Variants in BHLHE40 observed in about 807,000 individuals in gnomAD.
BHLHE40 encodes basic helix-loop-helix family member e40, also known as class E basic helix-loop-helix protein 40.
BHLHE40 carries 3 observed loss-of-function variants against 35.7 expected under a neutral mutation model. That is an observed-to-expected ratio of 0.08 (90% CI 0.04 to 0.22). The LOEUF is 0.22. BHLHE40 is among the 10% of genes least tolerant of loss of function. The pLI is 1.00. For missense variants in BHLHE40, 486 were observed against 524.0 expected, an observed-to-expected ratio of 0.93 and a Z score of 0.71; for synonymous variants, 236 against 213.0, an observed-to-expected ratio of 1.11 and a Z score of -0.94.
rs751015596 is a variant in BHLHE40 at position 4,980,271 on chromosome 3, G to C, written c.151-30G>C. On this transcript the variant is annotated intron_variant, in intron 2 of 4. Transcript: ENST00000256495. The stretch of plus-strand genomic sequence containing the variant: ...ATAGGCTTCTCATCTCCTTCCCCAA[G>C]CGCCCACCGCCTCCCCGTGCGTCTT... The C allele has an allele frequency of 3.8e-6, 6 of 1,593,184 alleles. No individual in the cohort carries two copies. In the African/African-American group the frequency reaches 8.1e-5, roughly 21 times the overall value.
At position 4,979,602 on chromosome 3, in the gene BHLHE40, G is replaced by C. The variant is rs2053170480; in HGVS notation, c.-117G>C. ...CCAGCAGCCCAGGGGATTTCAAAGAGCTCAGACTCAGAGGAACATCTGCGG... is the reference window on the plus strand; with the variant it reads ...CCAGCAGCCCAGGGGATTTCAAAGACCTCAGACTCAGAGGAACATCTGCGG... On this transcript the variant is annotated 5_prime_UTR_variant, in exon 1 of 5. Transcript: ENST00000256495. 9.3e-7 allele frequency: 1 copy of C among 1,079,112 alleles called. No homozygotes were observed. The highest frequency in any genetic ancestry group is 1.6e-5 in the African/African-American group (1 of 63,370). 66.8% of individuals were successfully genotyped at this position (1,079,112 alleles called of 1,614,324 possible).
chr3:4,983,220 G>A lies in BHLHE40; in HGVS notation c.767G>A (p.Ser256Asn). ...GGESEKGDLR[S>N]EQPCFKSDHG... ...GAATCGGAGAAGGGCGACTTGCGCAGTGAGCAGCCGTGCTTCAAAAGTGAC... is the reference window on the plus strand; with the variant it reads ...GAATCGGAGAAGGGCGACTTGCGCAATGAGCAGCCGTGCTTCAAAAGTGAC... Residue 256 changes from serine (S) to asparagine (N), a missense_variant, in exon 5 of 5, where the codon AGT becomes AAT. Transcript: ENST00000256495. The surrounding 1 kb of genome is among the most constrained non-coding windows in gnomAD (Gnocchi z 5.0). 1 of 1,614,234 alleles carries A rather than the reference G, an allele frequency of 6.2e-7. No homozygotes were observed.
chr3:4,980,166 A>G (rs2053179142), intron 2 of BHLHE40, 135 bp downstream of exon 2: 4 of 1,140,968 alleles, frequency 3.5e-6, no homozygotes, highest in African/African-American at 1.5e-5. Context: ...GTGACTTGGA[A>G]AAGAAAGGGC....
rs1284393752 is a variant in BHLHE40 at position 4,983,893 on chromosome 3, T to C, written c.*201T>C. On this transcript the variant is annotated 3_prime_UTR_variant, in exon 5 of 5. Coordinates refer to ENST00000256495, the MANE Select transcript of BHLHE40 (RefSeq NM_003670.3). The surrounding 1 kb of genome is among the most constrained non-coding windows in gnomAD (Gnocchi z 5.0). ...GTGCACATGTGTGCCTGCGTGTTGG[T>C]ATAGGACTTTAAAGCTCCTTTTGGC... 1 of 697,734 alleles carries C rather than the reference T, an allele frequency of 1.4e-6. No homozygotes were observed. 43.2% of individuals were successfully genotyped at this position (697,734 alleles called of 1,614,324 possible).
At position 4,982,818 on chromosome 3, in the gene BHLHE40, G is replaced by A. The variant is rs1431264978; in HGVS notation, c.383-18G>A. 1.2e-6 allele frequency: 2 copies of A among 1,613,462 alleles called. No individual in the cohort carries two copies. The highest frequency in any genetic ancestry group is 2.2e-5 in the East Asian group (1 of 44,882). ...CAGGCCTTCTGAAACGTTTTCCTTC[G>A]GATTTTTCTTTCCCCAGGTGAGCTG... On this transcript the variant is annotated intron_variant, in intron 4 of 4. Transcript: ENST00000256495.
At chr3:4,981,185 TACACACAC>T (rs10549138) in intron 3 of BHLHE40, among the ~76,000 whole-genome samples, 199 bp from the exon 4 acceptor site, 30,585 of 143,746 alleles carry the variant, frequency 0.21, 3,367 homozygotes, top group Admixed American at 0.25. Context: ...TATATATATA[TACACACAC>T]ACACACACAC....
intron 2 of BHLHE40, 61 bp downstream of exon 2, chr3:4,980,092 GAA>G (rs1281007698): frequency 6.3e-7 from 1 of 1,580,552 alleles, no homozygotes; most frequent in African/African-American, 1.3e-5. Flanking sequence ...GAGTTTCCAA[GAA>G]AAGTTTTCTC....
chr3:4,981,719 A>G (rs2053199347), intron 4 of BHLHE40: 1 of 563,012 alleles, frequency 1.8e-6, no homozygotes, highest in Non-Finnish European at 3.0e-6. Flanking sequence ...CGTATTAGTG[A>G]AATGATAAGA....
chr3:4,982,858 C>T lies in BHLHE40; in HGVS notation c.405C>T (p.Val135=), dbSNP rs1213118749. Reference sequence around the variant, plus strand: ...CAGGTGAGCTGTCAGGGAGAAATGTCGAAACAGGTCAAGAGATGTTCTGCT... The same window carrying T: ...CAGGTGAGCTGTCAGGGAGAAATGTTGAAACAGGTCAAGAGATGTTCTGCT... ...LQAGELSGRN[V]ETGQEMFCSG... The change falls in exon 5 of 5, where the codon GTC becomes GTT. Residue 135 remains valine, a synonymous_variant. Coordinates refer to ENST00000256495, the MANE Select transcript of BHLHE40 (RefSeq NM_003670.3). 53 of 1,613,864 alleles carry T rather than the reference C, an allele frequency of 3.3e-5. No homozygotes were observed. Among genetic ancestry groups the T allele is most frequent in the Non-Finnish European group, 4.2e-5 (50 of 1,180,022 alleles).
In BHLHE40 at chr3:4,985,303, G is replaced by A. The variant is rs2106499562; in HGVS notation, c.*1611G>A. The A allele has an allele frequency of 6.6e-6, 1 of 152,324 alleles. No homozygotes were observed. The highest frequency in any genetic ancestry group is 1.9e-4 in the East Asian group (1 of 5,190). The allele number at this position is 152,324 out of a possible 1,614,324, so 9.4% of individuals were successfully genotyped here. A position where few individuals can be genotyped will look rare whatever the true frequency, so the allele number is the denominator to read the frequency against. On this transcript the variant is annotated 3_prime_UTR_variant, in exon 5 of 5. Coordinates refer to ENST00000256495, the MANE Select transcript of BHLHE40 (RefSeq NM_003670.3). Reference sequence around the variant, plus strand: ...TGTAATTTCATTCAGCTTTTCATGTGCTTTGTATTCAATCAGAATAAGCTT... The same window carrying A: ...TGTAATTTCATTCAGCTTTTCATGTACTTTGTATTCAATCAGAATAAGCTT...
chr3:4,981,696 C>T (rs1435645114), intron 4 of BHLHE40, 181 bp downstream of exon 4: 16 of 741,778 alleles, frequency 2.2e-5, no homozygotes, highest in Non-Finnish European at 1.3e-5. Flanking sequence ...CATTGTGCCA[C>T]CTGGCATGAA....
intron 3 of BHLHE40, among the ~76,000 whole-genome samples, chr3:4,980,839 C>T (rs1278490770): frequency 1.3e-5 from 2 of 151,732 alleles, no homozygotes; most frequent in African/African-American, 2.4e-5. Context: ...TGACAGTAGC[C>T]CTCGGCTACT....
At chr3:4,982,751 T>A in intron 4 of BHLHE40, 85 bp from the exon 5 acceptor site, 1 of 1,521,890 alleles carries the variant, frequency 6.6e-7, no homozygotes. Context: ...TAACAAAAAC[T>A]AAAGCACCTG....
chr3:4,983,635 T>C lies in BHLHE40; in HGVS notation c.1182T>C (p.Ser394=). Residue 394 remains serine (S), a synonymous_variant, in exon 5 of 5, where the codon TCT becomes TCC. Coordinates refer to ENST00000256495, the MANE Select transcript of BHLHE40 (RefSeq NM_003670.3). This position sits in a 1 kb window ranked among gnomAD's most constrained non-coding sequence, Gnocchi z 5.0. ...CAGCTCATCCGTCCGTCGACTCTTC[T>C]GTCTTGCTCCAAGCTCTGAAGCCAA... The part of the protein sequence containing the change: ...PLPAHPSVDS[S]VLLQALKPIP... 6.2e-7 allele frequency: 1 copy of C among 1,614,154 alleles called. No individual in the cohort carries two copies. Among genetic ancestry groups the C allele is most frequent in the Non-Finnish European group, 8.5e-7 (1 of 1,180,026 alleles).
At chr3:4,981,615 T>C in intron 4 of BHLHE40, 100 bp downstream of exon 4, 4 of 1,445,832 alleles carry the variant, frequency 2.8e-6, no homozygotes, top group Admixed American at 4.5e-5. Context: ...TGCAACAAAT[T>C]GCTTATGCAC....
Position 4,983,826 on chromosome 3 carries a change from C to G in BHLHE40, c.*134C>G. 3 of 798,510 alleles carry G rather than the reference C, an allele frequency of 3.8e-6. No individual in the cohort carries two copies. The highest frequency in any genetic ancestry group is 1.8e-5 in the South Asian group (1 of 56,230). 49.5% of individuals were successfully genotyped at this position (798,510 alleles called of 1,614,324 possible). On this transcript the variant is annotated 3_prime_UTR_variant, in exon 5 of 5. Coordinates refer to ENST00000256495, the MANE Select transcript of BHLHE40 (RefSeq NM_003670.3). The surrounding 1 kb of genome is among the most constrained non-coding windows in gnomAD (Gnocchi z 5.0). ...TAATCTGAGGCATGGAGAGCAGATT[C>G]AGGGTGTGTGTGTGTGTGTGTGTGT...
chr3:4,983,504 C>T lies in BHLHE40; in HGVS notation c.1051C>T (p.Leu351=). 1.9e-6 allele frequency: 3 copies of T among 1,614,174 alleles called. No individual in the cohort carries two copies. The highest frequency in any genetic ancestry group is 2.5e-6 in the Non-Finnish European group (3 of 1,180,036). ...KCWYPTSVPV[L]YPGLNASAAA... is the part of the protein sequence containing the mutation. ...CTGGTATCCCACCTCAGTGCCAGTG[C>T]TATACCCAGGCCTCAACGCCTCTGC... The change falls in exon 5 of 5, where the codon CTA becomes TTA. Residue 351 remains leucine, a synonymous_variant. Transcript: ENST00000256495. The surrounding 1 kb of genome is among the most constrained non-coding windows in gnomAD (Gnocchi z 5.0).
rs1411567009 is a variant in BHLHE40 at position 4,979,530 on chromosome 3, G to C, written c.-189G>C. On this transcript the variant is annotated 5_prime_UTR_variant, in exon 1 of 5. Coordinates refer to ENST00000256495, the MANE Select transcript of BHLHE40 (RefSeq NM_003670.3). ...CGGAGCCAGAGGCCGCGGGGACACC[G>C]GGCCATGCACGCCCCCAACTGAAGC... is the stretch of plus-strand genomic sequence containing the variant. The C allele has an allele frequency of 3.2e-6, 2 of 631,844 alleles. No homozygotes were observed. The highest frequency in any genetic ancestry group is 5.5e-6 in the Non-Finnish European group (2 of 365,850). 39.1% of individuals were successfully genotyped at this position (631,844 alleles called of 1,614,324 possible). A position where few individuals can be genotyped will look rare whatever the true frequency, so the allele number is the denominator to read the frequency against.
chr3:4,980,046 C>T lies in BHLHE40; in HGVS notation c.150+15C>T. On this transcript the variant is annotated intron_variant, in intron 2 of 4. Transcript: ENST00000256495. Reference sequence around the variant, plus strand: ...AGGACAGCAAGGTAAGCAAGTGCACCCCTAGGGACCCTGCGCTCAGCCCCT... The same window carrying T: ...AGGACAGCAAGGTAAGCAAGTGCACTCCTAGGGACCCTGCGCTCAGCCCCT... 2 of 1,613,042 alleles carry T rather than the reference C, an allele frequency of 1.2e-6. No individual in the cohort carries two copies. The highest frequency in any genetic ancestry group is 1.7e-6 in the Non-Finnish European group (2 of 1,179,128).
Sources: gnomAD v4.1 joint callset for allele counts (sites outside exome capture counted in the v4.1 genomes callset) on GRCh38, gnomAD v4.1.1 for gene constraint, Gnocchi (gnomAD v3.1) non-coding constraint, MANE v1.5 for transcripts, NCBI Gene and HGNC (gene_info 2026-07-23, HGNC 2026-07-21) for gene names.